TSHZ2: variants seen among roughly 807,000 people sequenced by gnomAD.
The protein encoded by TSHZ2 is teashirt homolog 2.
A neutral mutation model predicts 74.4 loss-of-function variants in TSHZ2; 21 were observed. The ratio of observed to expected loss-of-function variants is 0.28; its 90% confidence interval spans 0.20 to 0.41. TSHZ2 has a LOEUF of 0.41. Ranked by LOEUF, TSHZ2 falls within the 10% of genes least tolerant of loss-of-function variation. The probability of loss-of-function intolerance (pLI) is 1.00; values close to 1 mark genes in which losing one functional copy is unlikely to be tolerated. For missense variants in TSHZ2, 1,244 were observed against 1,293.5 expected, an observed-to-expected ratio of 0.96 and a Z score of 0.59; for synonymous variants, 540 against 515.3, an observed-to-expected ratio of 1.05 and a Z score of -0.65.
At chr20:53,262,104 G>A (rs1251875554) in intron 2 of TSHZ2, among the ~76,000 whole-genome samples, 1 of 152,062 alleles carries the variant, frequency 6.6e-6, no homozygotes, top group Non-Finnish European at 1.5e-5. Flanking sequence ...AAGGCCTCTA[G>A]TAAGTAAACA....
chr20:53,166,933 A>G (rs1248435515), intron 1 of TSHZ2, among the ~76,000 whole-genome samples: 3 of 152,216 alleles, frequency 2.0e-5, no homozygotes, highest in Non-Finnish European at 2.9e-5. Context: ...AAAAAACCTG[A>G]TAATGTAATA....
At chr20:53,312,492 C>T (rs571385186) in intron 2 of TSHZ2, among the ~76,000 whole-genome samples, 9 of 152,172 alleles carry the variant, frequency 5.9e-5, no homozygotes, top group East Asian at 3.9e-4. Flanking sequence ...AATTCAAAAG[C>T]GACAGGAGCC....
At chr20:53,122,982 G>A (rs935429151) in intron 1 of TSHZ2, among the ~76,000 whole-genome samples, 4 of 152,054 alleles carry the variant, frequency 2.6e-5, no homozygotes, top group Non-Finnish European at 4.4e-5. Context: ...GGGTATTTCC[G>A]CTTTCTACTC....
intron 2 of TSHZ2, among the ~76,000 whole-genome samples, chr20:53,466,142 G>T (rs1223786159): frequency 6.6e-6 from 1 of 152,034 alleles, no homozygotes; most frequent in East Asian, 1.9e-4. Context: ...AGCCACTTGG[G>T]TGGCTGAGGC....
At chr20:53,463,475 G>A (rs1338988369) in intron 2 of TSHZ2, among the ~76,000 whole-genome samples, 1 of 134,588 alleles carries the variant, frequency 7.4e-6, no homozygotes, top group African/African-American at 2.7e-5. Context: ...TGGCTTAGGG[G>A]GTAGGGAGAG....
intron 2 of TSHZ2, among the ~76,000 whole-genome samples, chr20:53,461,075 C>T (rs6022490): frequency 3.3e-5 from 5 of 152,064 alleles, no homozygotes; most frequent in Non-Finnish European, 7.4e-5. Flanking sequence ...CCACCCAGTT[C>T]GAGCTTCCCG....
chr20:53,124,056 C>T (rs1986883069), intron 1 of TSHZ2, among the ~76,000 whole-genome samples: 1 of 152,214 alleles, frequency 6.6e-6, no homozygotes, highest in South Asian at 2.1e-4. Context: ...TTAATTTTCT[C>T]TTTTCCTCTG....
At chr20:53,381,404 C>A in intron 2 of TSHZ2, among the ~76,000 whole-genome samples, 1 of 152,204 alleles carries the variant, frequency 6.6e-6, no homozygotes, top group East Asian at 1.9e-4. Context: ...CATCCTGAAT[C>A]ATTCATGCCT....
At chr20:53,297,970 C>T (rs186188680) in intron 2 of TSHZ2, among the ~76,000 whole-genome samples, 3 of 152,316 alleles carry the variant, frequency 2.0e-5, no homozygotes, top group Admixed American at 2.0e-4. Context: ...AACTTATTCT[C>T]TCCTTTCCAG....
At position 53,328,037 on chromosome 20, in the gene TSHZ2, G is replaced by C. The variant is rs141336266; in HGVS notation, c.*8+71466G>C. Among the ~76,000 whole-genome samples, 10 of 152,324 alleles carry C rather than the reference G, an allele frequency of 6.6e-5. No individual in the cohort carries two copies. In the East Asian group the frequency reaches 1.9e-3, roughly 29 times the overall value. On this transcript the variant is annotated intron_variant, in intron 2 of 2. Transcript: ENST00000371497. The stretch of plus-strand genomic sequence containing the variant: ...CTGACCCTTGGTAAAGATATGCAAA[G>C]TGAAGCCTTGGGAGTCATTTAAAGC...
chr20:53,179,274 C>A (rs942726071), intron 1 of TSHZ2: 8 of 152,090 alleles, frequency 5.3e-5, no homozygotes, highest in African/African-American at 1.9e-4. Context: ...GTCTCCACTG[C>A]CAACCTCAAT....
At chr20:53,007,014 C>T (rs1183263525) in intron 1 of TSHZ2, among the ~76,000 whole-genome samples, 2 of 152,182 alleles carry the variant, frequency 1.3e-5, no homozygotes, top group Non-Finnish European at 2.9e-5. Context: ...TGATGATGCC[C>T]TCATGACACT....
chr20:53,328,209 C>A (rs928662087), intron 2 of TSHZ2, among the ~76,000 whole-genome samples: 3 of 152,212 alleles, frequency 2.0e-5, no homozygotes, highest in African/African-American at 7.2e-5. Flanking sequence ...TTGCATGTAA[C>A]TCCCAGCATG....
chr20:53,446,410 A>C (rs1239740641), intron 2 of TSHZ2, among the ~76,000 whole-genome samples: 2 of 52,360 alleles, frequency 3.8e-5, no homozygotes, highest in Non-Finnish European at 7.4e-5. Flanking sequence ...AAAAATACAA[A>C]AAAAAAAAAA....
chr20:53,138,592 G>C (rs1456913588), intron 1 of TSHZ2, among the ~76,000 whole-genome samples: 1 of 151,818 alleles, frequency 6.6e-6, no homozygotes, highest in African/African-American at 2.4e-5. Flanking sequence ...CCCAACCCCT[G>C]CCAACATATT....
intron 1 of TSHZ2, among the ~76,000 whole-genome samples, chr20:53,235,513 A>G (rs999061943): frequency 6.6e-6 from 1 of 152,242 alleles, no homozygotes; most frequent in Admixed American, 6.5e-5. Context: ...TGTACCAGAA[A>G]GCCACTTTCA....
intron 1 of TSHZ2, among the ~76,000 whole-genome samples, chr20:53,007,752 G>C (rs2122986450): frequency 6.6e-6 from 1 of 151,894 alleles, no homozygotes; most frequent in Admixed American, 6.6e-5. Flanking sequence ...GTGTGTGTGT[G>C]TGTGTTTGTA....
intron 2 of TSHZ2, among the ~76,000 whole-genome samples, chr20:53,260,683 T>C (rs1053452774): frequency 6.6e-6 from 1 of 152,212 alleles, no homozygotes; most frequent in African/African-American, 2.4e-5. Context: ...GATGTGGACA[T>C]AATATCCTTC....
intron 1 of TSHZ2, among the ~76,000 whole-genome samples, chr20:53,227,467 C>CACAT (rs1304231162): frequency 6.4e-5 from 6 of 94,224 alleles, no homozygotes; most frequent in Non-Finnish European, 1.3e-4. Context: ...GAGGAAAACA[C>CACAT]ACACACACAC....
Sources: gnomAD v4.1 joint callset for allele counts (sites outside exome capture counted in the v4.1 genomes callset) on GRCh38, gnomAD v4.1.1 for gene constraint, MANE v1.5 for transcripts, NCBI Gene and HGNC (gene_info 2026-07-23, HGNC 2026-07-21) for gene names.